HEPH: variants seen among roughly 807,000 people sequenced by gnomAD.
The protein encoded by HEPH is hephaestin.
HEPH carries 69 observed loss-of-function variants against 80.8 expected under a neutral mutation model. That is an observed-to-expected ratio of 0.85 (90% CI 0.70 to 1.04). HEPH has a LOEUF of 1.04. Among genes scored for constraint, HEPH ranks in the 50% least tolerant of loss-of-function variants. The pLI is 0.00. For missense variants in HEPH, 1,115 were observed against 891.3 expected (o/e 1.25, Z -3.20); for synonymous variants, 431 against 322.8 (o/e 1.34, Z -3.60).
At chrX:66,230,903 GT>G (rs1340095012) in intron 15 of HEPH, among the ~76,000 whole-genome samples, 2 of 100,206 alleles carry the variant, frequency 2.0e-5, no homozygotes, top group Non-Finnish European at 4.0e-5. Context: ...GGTTTTTATG[GT>G]TTTAGGTCTA....
At chrX:66,240,498 A>C (rs1206252526) in intron 15 of HEPH, among the ~76,000 whole-genome samples, 1 of 100,412 alleles carries the variant, frequency 1.0e-5, no homozygotes, top group African/African-American at 4.1e-5. Context: ...AAAAACTCAA[A>C]GCACCACAAC....
At chrX:66,201,943 G>A (rs2088482911) in intron 12 of HEPH, among the ~76,000 whole-genome samples, 5 of 112,417 alleles carry the variant, frequency 4.4e-5, no homozygotes, top group Admixed American at 2.8e-4. Flanking sequence ...GATGTGGAAA[G>A]AAATGAGTAG....
intron 4 of HEPH, among the ~76,000 whole-genome samples, chrX:66,187,304 G>A (rs1301580096): frequency 9.0e-6 from 1 of 110,915 alleles, no homozygotes; most frequent in Non-Finnish European, 1.9e-5. Flanking sequence ...GAGCTAGTGT[G>A]ATTTTTTTGG....
chrX:66,200,103 C>T (rs1323409530), intron 11 of HEPH, among the ~76,000 whole-genome samples: 1 of 110,120 alleles, frequency 9.1e-6, no homozygotes. Flanking sequence ...ATTTTCAGAT[C>T]CCCAACACGT....
chrX:66,246,593 A>C (rs2090817758), intron 15 of HEPH, among the ~76,000 whole-genome samples: 1 of 110,804 alleles, frequency 9.0e-6, no homozygotes, highest in Non-Finnish European at 1.9e-5. Flanking sequence ...TGGTGGGGGC[A>C]GTGTGTGGGG....
intron 15 of HEPH, among the ~76,000 whole-genome samples, chrX:66,213,010 T>A (rs1045198579): frequency 2.0e-4 from 22 of 109,822 alleles, no homozygotes; most frequent in African/African-American, 3.6e-4. Context: ...TAGTTTTTTT[T>A]AAATTAATTT....
intron 15 of HEPH, among the ~76,000 whole-genome samples, chrX:66,216,995 A>T (rs2089427068): frequency 9.0e-6 from 1 of 111,548 alleles, no homozygotes; most frequent in Admixed American, 9.5e-5. Context: ...CCAAGAAAAA[A>T]TAATTTTAAA....
chrX:66,240,242 C>T (rs2090518369), intron 15 of HEPH, among the ~76,000 whole-genome samples: 1 of 111,157 alleles, frequency 9.0e-6, no homozygotes, highest in Admixed American at 9.6e-5. Context: ...AGACTTGACA[C>T]AGCTGAGAAA....
intron 15 of HEPH, among the ~76,000 whole-genome samples, chrX:66,216,859 G>T (rs2089419471): frequency 9.0e-6 from 1 of 111,495 alleles, no homozygotes; most frequent in Non-Finnish European, 1.9e-5. Flanking sequence ...CAGTGAAATA[G>T]ACAGCATAAG....
chrX:66,245,388 A>C (rs996122072), intron 15 of HEPH, among the ~76,000 whole-genome samples: 5 of 111,993 alleles, frequency 4.5e-5, no homozygotes, highest in Admixed American at 1.9e-4. Context: ...AAAGAAGGCC[A>C]TTACATAATG....
intron 1 of HEPH, among the ~76,000 whole-genome samples, chrX:66,164,998 C>G (rs1174743885): frequency 8.9e-6 from 1 of 111,737 alleles, no homozygotes; most frequent in Non-Finnish European, 1.9e-5. Context: ...CAACTGGCTG[C>G]GTGACTTTGA....
intron 4 of HEPH, among the ~76,000 whole-genome samples, chrX:66,178,705 G>C (rs776423224): frequency 8.9e-6 from 1 of 112,322 alleles, no homozygotes; most frequent in African/African-American, 3.2e-5. Context: ...GTGATGATGA[G>C]CATTTTTTCA....
At chrX:66,242,427 T>A (rs1421564074) in intron 15 of HEPH, among the ~76,000 whole-genome samples, 3 of 111,505 alleles carry the variant, frequency 2.7e-5, no homozygotes, top group Non-Finnish European at 5.7e-5. Context: ...AGAAGAAACC[T>A]AGGACATATC....
At chrX:66,166,321 G>A (rs2086361522) in intron 1 of HEPH, among the ~76,000 whole-genome samples, 5 of 111,210 alleles carry the variant, frequency 4.5e-5, no homozygotes, top group Admixed American at 3.8e-4. Context: ...AGCCTCCCGA[G>A]TAGCTGGGAT....
Position 66,199,019 on chromosome X carries a change from C to T in HEPH, c.1855C>T (p.Arg619Trp), listed in dbSNP as rs368010220. The T allele has an allele frequency of 7.4e-6, 9 of 1,208,528 alleles. No individual in the cohort carries two copies. The highest frequency in any genetic ancestry group is 2.2e-5 in the Admixed American group (1 of 45,700). The change falls in exon 11 of 21, where the codon CGG (arginine) becomes TGG (tryptophan). Residue 619 changes from arginine (R) to tryptophan (W), a missense_variant. Around this residue, in one of 3 missense-constraint regions of HEPH, gnomAD observed 716 missense variants for 523.5 expected, o/e 1.37. Coordinates refer to ENST00000343002, the MANE Select transcript of HEPH (RefSeq NM_001367233.3). ...EDIEGFQDSN[R>W]MHAINGFLFS... ...TATTGAGGGCTTCCAAGACTCCAATCGGATGCATGGTATGGGGAGTACTTT... is the reference window on the plus strand; with the variant it reads ...TATTGAGGGCTTCCAAGACTCCAATTGGATGCATGGTATGGGGAGTACTTT...
chrX:66,213,332 A>G (rs1343992976), intron 15 of HEPH, among the ~76,000 whole-genome samples: 3 of 110,820 alleles, frequency 2.7e-5, no homozygotes, highest in African/African-American at 9.9e-5. Flanking sequence ...ATGATTTCCA[A>G]TTTCATCCAT....
At chrX:66,178,895 T>C (rs2086952950) in intron 4 of HEPH, among the ~76,000 whole-genome samples, 2 of 112,120 alleles carry the variant, frequency 1.8e-5, no homozygotes, top group Admixed American at 1.9e-4. Flanking sequence ...TTCTGTAGGT[T>C]GCATGTTCAC....
Position 66,200,356 on chromosome X carries a change from C to T in HEPH, c.1865-184C>T, listed in dbSNP as rs1249045957. 10 of 423,797 alleles carry T rather than the reference C, an allele frequency of 2.4e-5. No homozygotes were observed. In the East Asian group the frequency reaches 3.5e-4, roughly 15 times the overall value. 34.9% of individuals were successfully genotyped at this position (423,797 alleles called of 1,213,427 possible). A position where few individuals can be genotyped will look rare whatever the true frequency, so the allele number is the denominator to read the frequency against. On this transcript the variant is annotated intron_variant, in intron 11 of 20. Coordinates refer to ENST00000343002, the MANE Select transcript of HEPH (RefSeq NM_001367233.3). ...CAGAAAGGACAGTTGAGCACTCATCCCAAAGACAGAGATATTCACGAGTAG... is the reference window on the plus strand; with the variant it reads ...CAGAAAGGACAGTTGAGCACTCATCTCAAAGACAGAGATATTCACGAGTAG...
intron 17 of HEPH, among the ~76,000 whole-genome samples, chrX:66,257,828 G>T (rs1206735198): frequency 9.0e-6 from 1 of 111,547 alleles, no homozygotes; most frequent in Non-Finnish European, 1.9e-5. Flanking sequence ...TGATAAAGTG[G>T]AAATTATCTT....
Sources: gnomAD v4.1 joint callset for allele counts (sites outside exome capture counted in the v4.1 genomes callset) on GRCh38, gnomAD v4.1.1 for gene constraint, gnomAD v4.1.1 regional missense constraint, MANE v1.5 for transcripts, NCBI Gene and HGNC (gene_info 2026-07-23, HGNC 2026-07-21) for gene names.